Variants in GPATCH2 observed in about 807,000 individuals in gnomAD.
GPATCH2 encodes G patch domain-containing protein 2.
In GPATCH2, 51 loss-of-function variants were observed where a neutral mutation model predicts 58.0. That is an observed-to-expected ratio of 0.88 (90% CI 0.70 to 1.11). GPATCH2 has a LOEUF of 1.11. GPATCH2 is among the 50% of genes most tolerant of loss of function. The probability of loss-of-function intolerance (pLI) is 0.00; values close to 1 mark genes in which losing one functional copy is unlikely to be tolerated. For synonymous variants in GPATCH2, 222 were observed against 218.5 expected (o/e 1.02, Z -0.14); for missense variants, 625 against 652.2 (o/e 0.96, Z 0.45).
chr1:217,463,069 A>G (rs1393980866), intron 8 of GPATCH2, among the ~76,000 whole-genome samples: 2 of 152,230 alleles, frequency 1.3e-5, no homozygotes, highest in Non-Finnish European at 2.9e-5. Flanking sequence ...AATAAACTGA[A>G]TATGGCATAA....
At chr1:217,444,939 TA>T (rs1328282552) in intron 9 of GPATCH2, among the ~76,000 whole-genome samples, 1 of 152,202 alleles carries the variant, frequency 6.6e-6, no homozygotes, top group Non-Finnish European at 1.5e-5. Context: ...AATGAGCCTT[TA>T]AAAAGTCTTC....
chr1:217,509,197 T>G (rs1401521004), intron 6 of GPATCH2, among the ~76,000 whole-genome samples: 1 of 151,746 alleles, frequency 6.6e-6, no homozygotes, highest in African/African-American at 2.4e-5. Context: ...AAAAAGTGGC[T>G]GGGGGTGGTG....
intron 5 of GPATCH2, among the ~76,000 whole-genome samples, chr1:217,555,238 C>T (rs1665562566): frequency 6.6e-6 from 1 of 152,088 alleles, no homozygotes; most frequent in South Asian, 2.1e-4. Context: ...TAATACAAAA[C>T]CCCAACTATT....
intron 8 of GPATCH2, among the ~76,000 whole-genome samples, chr1:217,475,857 C>A (rs1054742938): frequency 6.6e-6 from 1 of 151,812 alleles, no homozygotes; most frequent in Non-Finnish European, 1.5e-5. Flanking sequence ...AAAAATAATG[C>A]CTTTGGATCC....
intron 9 of GPATCH2, among the ~76,000 whole-genome samples, chr1:217,443,402 G>A (rs265129): frequency 0.24 from 35,888 of 151,864 alleles, 5,584 homozygotes; most frequent in African/African-American, 0.45. Flanking sequence ...GTTTGCTACC[G>A]GTACAATTTC....
intron 8 of GPATCH2, among the ~76,000 whole-genome samples, chr1:217,478,171 G>A (rs1003761478): frequency 3.3e-5 from 5 of 152,114 alleles, no homozygotes; most frequent in African/African-American, 1.2e-4. Flanking sequence ...GAAAGCCTTT[G>A]CAAGAAAGAT....
intron 6 of GPATCH2, among the ~76,000 whole-genome samples, chr1:217,505,429 A>G (rs1390754771): frequency 6.6e-6 from 1 of 152,130 alleles, no homozygotes; most frequent in African/African-American, 2.4e-5. Context: ...TAAAACCAAA[A>G]TCTCTGCAGA....
intron 9 of GPATCH2, among the ~76,000 whole-genome samples, chr1:217,441,727 A>T (rs2102539109): frequency 6.6e-6 from 1 of 152,356 alleles, no homozygotes; most frequent in South Asian, 2.1e-4. Context: ...TATGTGGCCA[A>T]CAAATATGAA....
intron 8 of GPATCH2, among the ~76,000 whole-genome samples, chr1:217,457,998 C>A (rs1475007666): frequency 6.6e-6 from 1 of 152,094 alleles, no homozygotes; most frequent in Non-Finnish European, 1.5e-5. Flanking sequence ...GAGGCCGAGG[C>A]GGGCGGACCA....
At chr1:217,525,772 ACT>A (rs1663873791) in intron 5 of GPATCH2, among the ~76,000 whole-genome samples, 1 of 152,136 alleles carries the variant, frequency 6.6e-6, no homozygotes, top group South Asian at 2.1e-4. Flanking sequence ...TAATGGTGAG[ACT>A]CAGCAAACAT....
At chr1:217,565,275 T>C (rs1238537009) in intron 5 of GPATCH2, among the ~76,000 whole-genome samples, 1 of 152,168 alleles carries the variant, frequency 6.6e-6, no homozygotes, top group Non-Finnish European at 1.5e-5. Context: ...TAAGGGCAAG[T>C]GCATTTATTT....
intron 5 of GPATCH2, among the ~76,000 whole-genome samples, chr1:217,570,225 C>A (rs1666467849): frequency 6.6e-6 from 1 of 152,180 alleles, no homozygotes; most frequent in South Asian, 2.1e-4. Context: ...GATTCTCCTG[C>A]CTCAGTCTCC....
chr1:217,483,540 A>AGTGGT (rs1334613728), intron 8 of GPATCH2, among the ~76,000 whole-genome samples: 4 of 152,186 alleles, frequency 2.6e-5, no homozygotes, highest in African/African-American at 9.6e-5. Flanking sequence ...GCTGGAGTGC[A>AGTGGT]GTGGTGTGGT....
chr1:217,453,416 G>T (rs1367133660), intron 8 of GPATCH2, among the ~76,000 whole-genome samples: 1 of 152,156 alleles, frequency 6.6e-6, no homozygotes. Flanking sequence ...TAAAGAAATG[G>T]TGCATTTTTG....
chr1:217,454,178 A>C lies in GPATCH2; in HGVS notation c.1278-4841T>G, dbSNP rs778683901. Among the ~76,000 whole-genome samples the C allele has an allele frequency of 3.3e-5, 5 of 152,220 alleles. 1 individual carries two copies. The highest frequency in any genetic ancestry group is 7.3e-5 in the Non-Finnish European group (5 of 68,048). On this transcript the variant is annotated intron_variant, in intron 8 of 9. Coordinates refer to ENST00000366935, the MANE Select transcript of GPATCH2 (RefSeq NM_018040.5). Reference sequence around the variant, plus strand: ...CAATATGTCTCAACGTATTAAACTGAACAGACAGACATCAGTATCTAGCTT... The same window carrying C: ...CAATATGTCTCAACGTATTAAACTGCACAGACAGACATCAGTATCTAGCTT...
chr1:217,555,871 G>A lies in GPATCH2; in HGVS notation c.1099-40982C>T, dbSNP rs193272551. On this transcript the variant is annotated intron_variant, in intron 5 of 9. Transcript: ENST00000366935. ...TATATCATACAATCTTATGAGGTAC[G>A]GATTAATACTACACAAATTTTACGG... is the stretch of plus-strand genomic sequence containing the variant. Among the ~76,000 whole-genome samples, 313 of 152,132 alleles carry A rather than the reference G, an allele frequency of 2.1e-3. 1 individual carries two copies. Among genetic ancestry groups the A allele is most frequent in the African/African-American group, 7.1e-3 (296 of 41,520 alleles).
chr1:217,478,334 AACAG>A (rs760593637), intron 8 of GPATCH2, among the ~76,000 whole-genome samples: 20 of 152,260 alleles, frequency 1.3e-4, no homozygotes, highest in Non-Finnish European at 2.8e-4. Flanking sequence ...ATCCTGGAGA[AACAG>A]ACAGAACTCA....
At position 217,606,030 on chromosome 1, in the gene GPATCH2, T is replaced by C. The variant is rs115728715; in HGVS notation, c.1098+4291A>G. Reference sequence around the variant, plus strand: ...GCTGGGTTTTAACAAACTGGTACTTTACTACGATGGCAACAGTAATTCCTC... The same window carrying C: ...GCTGGGTTTTAACAAACTGGTACTTCACTACGATGGCAACAGTAATTCCTC... On this transcript the variant is annotated intron_variant, in intron 5 of 9. Transcript: ENST00000366935. 1.6e-3 allele frequency among the ~76,000 whole-genome samples: 248 copies of C among 152,228 alleles called. 2 individuals carry two copies. Among genetic ancestry groups the C allele is most frequent in the African/African-American group, 5.6e-3 (231 of 41,546 alleles).
At chr1:217,522,368 ATTTTTTT>A (rs923899107) in intron 5 of GPATCH2, among the ~76,000 whole-genome samples, 1 of 151,968 alleles carries the variant, frequency 6.6e-6, no homozygotes, top group African/African-American at 2.4e-5. Flanking sequence ...TGGTAATACT[ATTTTTTT>A]TAAGTAAAGA....
Sources: allele counts gnomAD v4.1 joint callset (sites outside exome capture counted in the v4.1 genomes callset), GRCh38; gene constraint gnomAD v4.1.1; transcripts MANE v1.5; gene names NCBI Gene and HGNC (gene_info 2026-07-23, HGNC 2026-07-21).